ARFGAP3: variants seen among roughly 807,000 people sequenced by gnomAD.
ARFGAP3 encodes ADP-ribosylation factor GTPase-activating protein 3.
Under a neutral mutation model 75.0 loss-of-function variants are expected in ARFGAP3, and 72 were observed. The ratio of observed to expected loss-of-function variants is 0.96; its 90% CI spans 0.79 to 1.17. The LOEUF (loss-of-function observed/expected upper bound fraction) is 1.17, where lower values mean the gene tolerates loss of function less well. Ranked by LOEUF, ARFGAP3 falls within the 50% of genes most tolerant of loss-of-function variation. The pLI is 0.00. For synonymous variants in ARFGAP3, 221 were observed against 217.9 expected, an observed-to-expected ratio of 1.01 and a Z score of -0.13; for missense variants, 620 against 626.6, an observed-to-expected ratio of 0.99 and a Z score of 0.11.
chr22:42,810,707 C>T (rs1925328377), intron 12 of ARFGAP3, 106 bp downstream of exon 12: 2 of 948,540 alleles, frequency 2.1e-6, no homozygotes, highest in Non-Finnish European at 1.6e-6. Flanking sequence ...GAATGAGCCG[C>T]CGTGCCCAGC....
At chr22:42,847,157 ATTTC>A (rs1475154289) in intron 2 of ARFGAP3, 6 of 194,996 alleles carry the variant, frequency 3.1e-5, no homozygotes, top group East Asian at 1.6e-4. Context: ...TGAAAATCAC[ATTTC>A]TTTCTTTCTT....
chr22:42,807,870 C>G (rs1925197064), intron 13 of ARFGAP3, among the ~76,000 whole-genome samples: 1 of 151,488 alleles, frequency 6.6e-6, no homozygotes, highest in African/African-American at 2.4e-5. Context: ...CTCAGCCTCC[C>G]AAGTAGCTGG....
chr22:42,832,394 G>T (rs1458680418), intron 5 of ARFGAP3, among the ~76,000 whole-genome samples: 2 of 151,684 alleles, frequency 1.3e-5, no homozygotes, highest in African/African-American at 4.8e-5. Flanking sequence ...AGCCAGGCGT[G>T]GTGGTGTGGG....
chr22:42,798,462 C>T (rs925098164), intron 15 of ARFGAP3, among the ~76,000 whole-genome samples: 17 of 152,372 alleles, frequency 1.1e-4, no homozygotes, highest in Non-Finnish European at 2.1e-4. Flanking sequence ...CCACTCATAT[C>T]GTCACAGATG....
At chr22:42,850,334 G>A (rs1301695484) in intron 1 of ARFGAP3, among the ~76,000 whole-genome samples, 1 of 151,980 alleles carries the variant, frequency 6.6e-6, no homozygotes. Flanking sequence ...CACTTTGGGA[G>A]GCCAAGGCAG....
intron 14 of ARFGAP3, among the ~76,000 whole-genome samples, chr22:42,803,472 C>T (rs1319861593): frequency 1.3e-5 from 2 of 152,216 alleles, no homozygotes; most frequent in Admixed American, 1.3e-4. Flanking sequence ...CTCATTCAAA[C>T]AATCAGAATT....
At chr22:42,799,218 C>A in intron 14 of ARFGAP3, 58 bp from the exon 15 acceptor site, 2 of 1,599,664 alleles carry the variant, frequency 1.3e-6, no homozygotes, top group Non-Finnish European at 1.7e-6. Flanking sequence ...TGCGGCAAAC[C>A]CAGTACCCAG....
chr22:42,830,466 G>A (rs756753992), intron 6 of ARFGAP3, among the ~76,000 whole-genome samples: 1 of 152,194 alleles, frequency 6.6e-6, no homozygotes, highest in South Asian at 2.1e-4. Flanking sequence ...TTCCTGTTAC[G>A]CTATGTTCCT....
chr22:42,848,294 C>T (rs967250673), intron 1 of ARFGAP3, among the ~76,000 whole-genome samples: 8 of 152,006 alleles, frequency 5.3e-5, no homozygotes, highest in Non-Finnish European at 8.8e-5. Context: ...CTGCAAGCTC[C>T]GCCTCCCAGG....
At chr22:42,822,783 T>G (rs1362331598) in intron 8 of ARFGAP3, among the ~76,000 whole-genome samples, 1 of 152,198 alleles carries the variant, frequency 6.6e-6, no homozygotes, top group Non-Finnish European at 1.5e-5. Context: ...ATTTGTATTG[T>G]TTTTACTGTT....
intron 3 of ARFGAP3, among the ~76,000 whole-genome samples, chr22:42,835,915 A>G (rs1223698965): frequency 2.0e-5 from 3 of 151,966 alleles, no homozygotes; most frequent in African/African-American, 7.3e-5. Flanking sequence ...TGTCATTGTG[A>G]ACTTTATTTG....
At chr22:42,843,914 C>T (rs1926893963) in intron 2 of ARFGAP3, among the ~76,000 whole-genome samples, 1 of 152,196 alleles carries the variant, frequency 6.6e-6, no homozygotes, top group African/African-American at 2.4e-5. Context: ...TTTGCCCTCT[C>T]CATATACTCT....
chr22:42,857,122 T>C lies in ARFGAP3; in HGVS notation c.61A>G (p.Thr21Ala), dbSNP rs1047612221. 6.6e-7 allele frequency: 1 copy of C among 1,514,776 alleles called. No individual in the cohort carries two copies. 93.8% of individuals were successfully genotyped at this position (1,514,776 alleles called of 1,614,324 possible). Residue 21 changes from threonine (T) to alanine (A), a missense_variant, in exon 1 of 16, where the codon ACT becomes GCT. By Grantham distance (58) the Thr-to-Ala change is moderately conservative. Coordinates refer to ENST00000263245, the MANE Select transcript of ARFGAP3 (RefSeq NM_014570.5). The stretch of plus-strand genomic sequence containing the variant: ...TCGCCCGCGGCCGCTACCTTGTTAG[T>C]GGGCACCGAGCGGAGGCGCTTGAAG... ...TIFKRLRSVP[T>A]NKVCFDCGAK...
intron 7 of ARFGAP3, among the ~76,000 whole-genome samples, chr22:42,824,330 C>T (rs76173638): frequency 0.011 from 1,600 of 151,366 alleles, 30 homozygotes; most frequent in African/African-American, 0.037. Flanking sequence ...TTATCAAGTG[C>T]TACTCTTCAA....
At chr22:42,840,301 T>A (rs1569165879) in intron 3 of ARFGAP3, among the ~76,000 whole-genome samples, 1 of 152,264 alleles carries the variant, frequency 6.6e-6, no homozygotes, top group South Asian at 2.1e-4. Flanking sequence ...TTATTAGGTG[T>A]TTAACAGATT....
intron 11 of ARFGAP3, among the ~76,000 whole-genome samples, chr22:42,813,435 T>C (rs1315518487): frequency 1.3e-5 from 2 of 152,210 alleles, no homozygotes; most frequent in Admixed American, 1.3e-4. Context: ...AGGTTCTTCA[T>C]GACTCTGTGA....
chr22:42,827,242 T>A, intron 6 of ARFGAP3: 1 of 252,420 alleles, frequency 4.0e-6, no homozygotes, highest in Non-Finnish European at 6.2e-6. Context: ...TCTCTTCAAC[T>A]AATACGATTC....
chr22:42,816,198 A>ATAG (rs1925571722), intron 11 of ARFGAP3, among the ~76,000 whole-genome samples: 2 of 152,224 alleles, frequency 1.3e-5, no homozygotes, highest in African/African-American at 4.8e-5. Context: ...GCAGCTAAAC[A>ATAG]TAGTAAGAGC....
At chr22:42,854,309 A>T (rs1927404876) in intron 1 of ARFGAP3, among the ~76,000 whole-genome samples, 1 of 152,168 alleles carries the variant, frequency 6.6e-6, no homozygotes, top group African/African-American at 2.4e-5. Context: ...ATAGCAACAA[A>T]GAAGGATTTC....
Sources: gnomAD v4.1 joint callset for allele counts (sites outside exome capture counted in the v4.1 genomes callset) on GRCh38, gnomAD v4.1.1 for gene constraint, MANE v1.5 for transcripts, NCBI Gene and HGNC (gene_info 2026-07-23, HGNC 2026-07-21) for gene names.